Variants in VPS13B observed in about 807,000 individuals in gnomAD.
VPS13B encodes vacuolar protein sorting 13 homolog B, also known as intermembrane lipid transfer protein VPS13B.
VPS13B carries 285 observed loss-of-function variants against 426.4 expected under a neutral mutation model. The ratio of observed to expected loss-of-function variants is 0.67; its 90% CI spans 0.61 to 0.74. The LOEUF (loss-of-function observed/expected upper bound fraction) is 0.74. Ranked by LOEUF, VPS13B falls within the 30% of genes least tolerant of loss-of-function variation. The pLI is 0.00. For missense variants in VPS13B, 4,537 were observed against 4,782.6 expected, an observed-to-expected ratio of 0.95 and a Z score of 1.51; for synonymous variants, 1,676 against 1,676.4, an observed-to-expected ratio of 1.00 and a Z score of 0.01.
At chr8:99,739,946 C>T (rs1809608268) in intron 39 of VPS13B, among the ~76,000 whole-genome samples, 1 of 152,168 alleles carries the variant, frequency 6.6e-6, no homozygotes, top group Non-Finnish European at 1.5e-5. Flanking sequence ...CAGCTCCTCA[C>T]CAGCAACAGA....
chr8:99,051,179 C>G (rs1342361008), intron 3 of VPS13B, among the ~76,000 whole-genome samples: 6 of 152,134 alleles, frequency 3.9e-5, no homozygotes, highest in African/African-American at 1.4e-4. Flanking sequence ...ACATTTAAGT[C>G]TTTAATCATC....
At chr8:99,115,666 C>G (rs755293996) in intron 6 of VPS13B, 34 bp from the exon 7 acceptor site, 3 of 1,600,222 alleles carry the variant, frequency 1.9e-6, no homozygotes, top group Non-Finnish European at 2.6e-6. Flanking sequence ...TTTAAACATG[C>G]GTTTGTTGGT....
chr8:99,812,459 T>C (rs958304786), intron 44 of VPS13B, among the ~76,000 whole-genome samples: 3 of 152,188 alleles, frequency 2.0e-5, no homozygotes, highest in African/African-American at 7.2e-5. Flanking sequence ...CAGGGCCCAT[T>C]TGGGGAGGTG....
chr8:99,537,592 C>T (rs1452026406), intron 30 of VPS13B, among the ~76,000 whole-genome samples: 1 of 152,144 alleles, frequency 6.6e-6, no homozygotes, highest in Non-Finnish European at 1.5e-5. Context: ...ACAGAAGTTG[C>T]CCTCCTCTTT....
intron 43 of VPS13B, chr8:99,804,361 T>C (rs1282075831): frequency 6.6e-6 from 1 of 152,206 alleles, no homozygotes; most frequent in Non-Finnish European, 1.5e-5. Flanking sequence ...CATGTCTTAG[T>C]CTGCAGAAAA....
chr8:99,299,770 C>T (rs989585877), intron 19 of VPS13B, among the ~76,000 whole-genome samples: 12 of 151,794 alleles, frequency 7.9e-5, no homozygotes, highest in Non-Finnish European at 1.6e-4. Context: ...ATTAGCTGAG[C>T]GTGGTGGTGG....
At chr8:99,138,168 G>C (rs1477960339) in intron 12 of VPS13B, among the ~76,000 whole-genome samples, 1 of 152,064 alleles carries the variant, frequency 6.6e-6, no homozygotes, top group Non-Finnish European at 1.5e-5. Context: ...GTTTTGCTCT[G>C]TTGCTCAGAG....
At chr8:99,869,020 G>C (rs113132000) in intron 59 of VPS13B, among the ~76,000 whole-genome samples, 313 of 152,376 alleles carry the variant, frequency 2.1e-3, no homozygotes, top group African/African-American at 7.2e-3. Flanking sequence ...CCTGCACTTG[G>C]ATGGGGCGTG....
chr8:99,805,177 T>G (rs1328783944), intron 43 of VPS13B, among the ~76,000 whole-genome samples: 1 of 151,640 alleles, frequency 6.6e-6, no homozygotes, highest in Non-Finnish European at 1.5e-5. Context: ...TTTTTGAAGT[T>G]GTTTAAATCT....
At chr8:99,711,315 G>A (rs1203060078) in intron 36 of VPS13B, among the ~76,000 whole-genome samples, 1 of 152,106 alleles carries the variant, frequency 6.6e-6, no homozygotes, top group Non-Finnish European at 1.5e-5. Flanking sequence ...TATATGGCAA[G>A]AAAGAAAAGG....
At chr8:99,273,724 CA>C (rs1818735869) in intron 17 of VPS13B, among the ~76,000 whole-genome samples, 7 of 151,378 alleles carry the variant, frequency 4.6e-5, no homozygotes, top group Admixed American at 2.6e-4. Flanking sequence ...GCAGAGCTTG[CA>C]GAGCTTGCAG....
At chr8:99,870,720 C>T in intron 59 of VPS13B, 65 bp from the exon 60 acceptor site, 2 of 1,452,800 alleles carry the variant, frequency 1.4e-6, no homozygotes, top group Non-Finnish European at 1.9e-6. Context: ...CAGATGACAT[C>T]ATTGCAGCAT....
At chr8:99,689,108 A>G (rs1287088600) in intron 35 of VPS13B, among the ~76,000 whole-genome samples, 1 of 152,002 alleles carries the variant, frequency 6.6e-6, no homozygotes, top group African/African-American at 2.4e-5. Context: ...TAAAGAGGGG[A>G]ACAAGAACAA....
intron 15 of VPS13B, among the ~76,000 whole-genome samples, chr8:99,159,659 G>A (rs1397855629): frequency 6.6e-6 from 1 of 152,066 alleles, no homozygotes; most frequent in Non-Finnish European, 1.5e-5. Context: ...TAGCAATAAA[G>A]TACTTTTTGT....
At chr8:99,296,140 C>T (rs1820028609) in intron 19 of VPS13B, among the ~76,000 whole-genome samples, 1 of 152,118 alleles carries the variant, frequency 6.6e-6, no homozygotes, top group African/African-American at 2.4e-5. Flanking sequence ...AAGTTGGGGA[C>T]CATCTGTACA....
At chr8:99,779,107 A>T in intron 42 of VPS13B, 76 bp downstream of exon 42, 1 of 1,345,210 alleles carries the variant, frequency 7.4e-7, no homozygotes, top group South Asian at 1.2e-5. Context: ...ATCACTTCTG[A>T]TAATAAGTTC....
chr8:99,835,564 CAAA>C lies in VPS13B; in HGVS notation c.9773_9775del (p.Lys3258del). The C allele has an allele frequency of 6.2e-7, 1 of 1,613,978 alleles. No individual in the cohort carries two copies. Among genetic ancestry groups the C allele is most frequent in the South Asian group, 1.1e-5 (1 of 91,066 alleles). On this transcript the variant is annotated inframe_deletion, in exon 54 of 62. Transcript: ENST00000357162. ...ATATTCCAAAGTTTGAGGTTTATTG[CAAA>C]AAAATTCCCTCCGAGTGCTCAATTC...
At chr8:99,203,803 G>A (rs1490747606) in intron 17 of VPS13B, among the ~76,000 whole-genome samples, 1 of 152,090 alleles carries the variant, frequency 6.6e-6, no homozygotes, top group Non-Finnish European at 1.5e-5. Flanking sequence ...AACTTACAAG[G>A]GATGTGAAGG....
chr8:99,429,104 G>A (rs1291181710), intron 21 of VPS13B, among the ~76,000 whole-genome samples: 1 of 152,074 alleles, frequency 6.6e-6, no homozygotes, highest in Non-Finnish European at 1.5e-5. Flanking sequence ...CACAGGAAGG[G>A]GAACATCACA....
Sources: gnomAD v4.1 joint callset for allele counts (sites outside exome capture counted in the v4.1 genomes callset) on GRCh38, gnomAD v4.1.1 for gene constraint, MANE v1.5 for transcripts, NCBI Gene and HGNC (gene_info 2026-07-23, HGNC 2026-07-21) for gene names.